Variants in WWC1 observed in about 807,000 individuals in gnomAD.
WWC1 encodes protein KIBRA.
Under a neutral mutation model 138.4 loss-of-function variants are expected in WWC1, and 55 were observed. That is an observed-to-expected ratio of 0.40 (90% confidence interval 0.32 to 0.50). WWC1 has a LOEUF of 0.50. Ranked by LOEUF, WWC1 falls within the 20% of genes least tolerant of loss-of-function variation. WWC1 has a pLI of 0.72. For missense variants in WWC1, 1,226 were observed against 1,420.4 expected (o/e 0.86, Z 2.20); for synonymous variants, 524 against 564.9 (o/e 0.93, Z 1.03).
chr5:168,420,501 TC>T (rs1462466544), intron 9 of WWC1, among the ~76,000 whole-genome samples: 1 of 152,158 alleles, frequency 6.6e-6, no homozygotes, highest in Non-Finnish European at 1.5e-5. Flanking sequence ...ATGTAGGATT[TC>T]GGGGGACAAA....
chr5:168,311,390 G>A (rs1417242552), intron 1 of WWC1, among the ~76,000 whole-genome samples: 2 of 152,134 alleles, frequency 1.3e-5, no homozygotes, highest in Non-Finnish European at 2.9e-5. Context: ...GCAACAGGGA[G>A]GTGTGAGGAA....
intron 21 of WWC1, among the ~76,000 whole-genome samples, chr5:168,467,258 A>AAAAC (rs1192583486): frequency 6.6e-6 from 1 of 152,254 alleles, no homozygotes; most frequent in Non-Finnish European, 1.5e-5. Context: ...ACTCCGTCTC[A>AAAAC]AAACAAACAA....
intron 6 of WWC1, 44 bp downstream of exon 6, chr5:168,406,371 T>G: frequency 6.2e-7 from 1 of 1,608,902 alleles, no homozygotes; most frequent in Non-Finnish European, 8.5e-7. Flanking sequence ...TGATTTCTCC[T>G]GAGTATTCCT....
intron 10 of WWC1, among the ~76,000 whole-genome samples, chr5:168,422,786 T>A (rs1169407203): frequency 6.6e-6 from 1 of 152,216 alleles, no homozygotes; most frequent in East Asian, 1.9e-4. Context: ...TAGTAAGTGA[T>A]ACTGCTTTTC....
At position 168,292,525 on chromosome 5, in the gene WWC1, C is replaced by G. The variant is rs967916247; in HGVS notation, c.119+254C>G. On this transcript the variant is annotated intron_variant, in intron 1 of 22. Transcript: ENST00000265293. This position sits in a 1 kb window ranked among gnomAD's most constrained non-coding sequence, Gnocchi z 4.4. Reference sequence around the variant, plus strand: ...GCCATCCCCAGTTGGAGGACTTAGGCCCCAGCCGGCACCTGCCCGGAGTTT... The same window carrying G: ...GCCATCCCCAGTTGGAGGACTTAGGGCCCAGCCGGCACCTGCCCGGAGTTT... Among the ~76,000 whole-genome samples, 1 of 151,952 alleles carries G rather than the reference C, an allele frequency of 6.6e-6. No individual in the cohort carries two copies. The highest frequency in any genetic ancestry group is 1.5e-5 in the Non-Finnish European group (1 of 68,008).
chr5:168,464,960 C>A lies in WWC1; in HGVS notation c.3148C>A (p.Arg1050=), dbSNP rs138503526. ...FRLLLRMLEK[R]QMDRAEHKGE... ...CCTGCTGCTGAGGATGCTGGAGAAG[C>A]GGGTGAGTTCTGCCTCGAAGGCAGG... Residue 1050 remains arginine, a splice_region_variant and synonymous_variant, in exon 21 of 23, where the codon CGG becomes AGG. Coordinates refer to ENST00000265293, the MANE Select transcript of WWC1 (RefSeq NM_015238.3). The A allele has an allele frequency of 5.0e-6, 8 of 1,613,528 alleles. No homozygotes were observed. The African/African-American group carries it at 1.1e-4, about 22-fold the overall frequency.
intron 1 of WWC1, among the ~76,000 whole-genome samples, chr5:168,304,067 TC>T (rs1395902038): frequency 6.6e-6 from 1 of 152,238 alleles, no homozygotes; most frequent in African/African-American, 2.4e-5. Context: ...TAAATTAGAA[TC>T]CATCTCATAG....
At chr5:168,459,936 TG>T (rs569993903) in intron 19 of WWC1, among the ~76,000 whole-genome samples, 17 of 152,086 alleles carry the variant, frequency 1.1e-4, no homozygotes, top group Admixed American at 5.9e-4. Flanking sequence ...TCCTTAGGGG[TG>T]GGACACATTC....
At chr5:168,428,592 C>A in intron 12 of WWC1, 115 bp from the exon 13 acceptor site, 1 of 992,338 alleles carries the variant, frequency 1.0e-6, no homozygotes, top group Non-Finnish European at 1.5e-6. Context: ...AAAAAAGGAC[C>A]TGAAGGGAAG....
At chr5:168,333,496 C>T (rs1047296497) in intron 1 of WWC1, among the ~76,000 whole-genome samples, 1 of 152,184 alleles carries the variant, frequency 6.6e-6, no homozygotes, top group Non-Finnish European at 1.5e-5. Flanking sequence ...CTTCTTCTCC[C>T]AGACAAGATC....
chr5:168,334,418 G>A (rs1419357313), intron 1 of WWC1, among the ~76,000 whole-genome samples: 2 of 151,956 alleles, frequency 1.3e-5, no homozygotes, highest in East Asian at 1.9e-4. Flanking sequence ...TGCAAATGCT[G>A]GCCTCTCTAA....
chr5:168,360,149 A>G (rs1047181960), intron 1 of WWC1, among the ~76,000 whole-genome samples: 1 of 152,144 alleles, frequency 6.6e-6, no homozygotes, highest in African/African-American at 2.4e-5. Flanking sequence ...GATGCCTTTG[A>G]TATATGTGCA....
intron 1 of WWC1, among the ~76,000 whole-genome samples, chr5:168,368,006 G>T (rs1157827490): frequency 6.6e-6 from 1 of 151,518 alleles, no homozygotes; most frequent in African/African-American, 2.4e-5. Context: ...ACAGTATCCT[G>T]TAGCTTTTAT....
chr5:168,467,478 G>A lies in WWC1; in HGVS notation c.3151-362G>A, dbSNP rs950055278. ...ACTGAGTTTCCACCACTTCTTAGTA[G>A]TCTGACATTAAAGAAATTTCTTACT... On this transcript the variant is annotated intron_variant, in intron 21 of 22. Coordinates refer to ENST00000265293, the MANE Select transcript of WWC1 (RefSeq NM_015238.3). Among the ~76,000 whole-genome samples, 6 of 152,160 alleles carry A rather than the reference G, an allele frequency of 3.9e-5. No individual in the cohort carries two copies. The East Asian group carries it at 1.2e-3, about 29-fold the overall frequency.
intron 1 of WWC1, among the ~76,000 whole-genome samples, chr5:168,355,975 G>C (rs1032846555): frequency 1.2e-4 from 19 of 152,226 alleles, no homozygotes; most frequent in South Asian, 4.2e-4. Context: ...GATTCTCTTG[G>C]GGGGGCTGTG....
At chr5:168,306,408 T>C (rs931020889) in intron 1 of WWC1, among the ~76,000 whole-genome samples, 1 of 151,990 alleles carries the variant, frequency 6.6e-6, no homozygotes, top group Non-Finnish European at 1.5e-5. Context: ...AAAATAAAAA[T>C]AAATATTTGG....
chr5:168,386,503 C>T (rs1778060797), intron 3 of WWC1, among the ~76,000 whole-genome samples: 1 of 151,910 alleles, frequency 6.6e-6, no homozygotes, highest in Non-Finnish European at 1.5e-5. Flanking sequence ...TGCCATTCTC[C>T]TGCCTCAGCC....
rs6897615 is a variant in WWC1 at position 168,424,798 on chromosome 5, C to G, written c.1810+730C>G. ...GAGTTTGGATTTTATCCTAATTGCA[C>G]TGGGGACCCATGTGACCGTTTGAAG... On this transcript the variant is annotated intron_variant, in intron 11 of 22. Transcript: ENST00000265293. 1.5e-3 allele frequency among the ~76,000 whole-genome samples: 226 copies of G among 152,210 alleles called. 3 individuals are homozygous for G. Among genetic ancestry groups the G allele is most frequent in the Non-Finnish European group, 2.1e-3 (144 of 68,008 alleles).
chr5:168,468,646 G>A (rs954043248), intron 22 of WWC1, among the ~76,000 whole-genome samples: 19 of 152,168 alleles, frequency 1.2e-4, no homozygotes, highest in African/African-American at 4.3e-4. Context: ...AAACTGAGAA[G>A]CCTCTGACTG....
Sources: allele counts gnomAD v4.1 joint callset (sites outside exome capture counted in the v4.1 genomes callset), GRCh38; gene constraint gnomAD v4.1.1; non-coding constraint Gnocchi (gnomAD v3.1); transcripts MANE v1.5; gene names NCBI Gene and HGNC (gene_info 2026-07-23, HGNC 2026-07-21).